CDH13: variants seen among roughly 807,000 people sequenced by gnomAD.
CDH13 encodes cadherin-13.
In CDH13, 24 loss-of-function variants were observed where a neutral mutation model predicts 63.8. That is an observed-to-expected ratio of 0.38 (90% confidence interval 0.27 to 0.53). The LOEUF is 0.53. CDH13 is among the 20% of genes least tolerant of loss of function. CDH13 has a pLI of 0.85. For synonymous variants in CDH13, 503 were observed against 355.3 expected (o/e 1.42, Z -4.67); for missense variants, 1,049 against 903.1 (o/e 1.16, Z -2.07).
intron 11 of CDH13, among the ~76,000 whole-genome samples, chr16:83,777,412 C>T (rs1046570408): frequency 6.6e-5 from 10 of 152,216 alleles, no homozygotes; most frequent in African/African-American, 2.4e-4. Context: ...TGACCTGCAG[C>T]TGCGCTGAGT....
chr16:83,391,415 C>T (rs557163266), intron 6 of CDH13, among the ~76,000 whole-genome samples: 24 of 151,980 alleles, frequency 1.6e-4, no homozygotes, highest in South Asian at 4.2e-4. Context: ...CATGTTGGCC[C>T]GGCTGGTCTC....
At position 83,021,934 on chromosome 16, in the gene CDH13, A is replaced by C. The variant is rs180882912; in HGVS notation, c.158-10076A>C. Among the ~76,000 whole-genome samples the C allele has an allele frequency of 9.8e-5, 15 of 152,296 alleles. No individual in the cohort carries two copies. The East Asian group carries it at 2.9e-3, about 29-fold the overall frequency. ...CTTGATTCACTCATGGATCTGACCC[A>C]ATGTGGGTGGAATTGAACGTATGTT... On this transcript the variant is annotated intron_variant, in intron 2 of 13. Transcript: ENST00000567109.
At chr16:83,683,018 C>A (rs890787119) in intron 10 of CDH13, among the ~76,000 whole-genome samples, 2 of 152,194 alleles carry the variant, frequency 1.3e-5, no homozygotes, top group African/African-American at 4.8e-5. Flanking sequence ...AAATGCACTT[C>A]TCAGGCACCA....
chr16:82,700,844 A>C (rs540226186), intron 1 of CDH13, among the ~76,000 whole-genome samples: 19 of 151,656 alleles, frequency 1.3e-4, no homozygotes, highest in African/African-American at 4.6e-4. Flanking sequence ...CGCTATCCCA[A>C]ATGATTACTA....
intron 2 of CDH13, among the ~76,000 whole-genome samples, chr16:83,000,621 G>C (rs1289928396): frequency 7.3e-6 from 1 of 137,058 alleles, no homozygotes; most frequent in African/African-American, 2.8e-5. Context: ...AGGGAGTCTC[G>C]TTCTGTTGCC....
At chr16:82,638,303 C>A (rs1908935964) in intron 1 of CDH13, among the ~76,000 whole-genome samples, 1 of 152,198 alleles carries the variant, frequency 6.6e-6, no homozygotes, top group Non-Finnish European at 1.5e-5. Context: ...TTAGGGACTG[C>A]TGAGCAGACC....
intron 1 of CDH13, among the ~76,000 whole-genome samples, chr16:82,817,776 G>C (rs1306622025): frequency 6.6e-6 from 1 of 152,152 alleles, no homozygotes; most frequent in Admixed American, 6.5e-5. Context: ...CTGCACTTCA[G>C]CCTGGGCCAC....
chr16:83,607,412 C>T (rs1489571738), intron 8 of CDH13, among the ~76,000 whole-genome samples: 1 of 151,506 alleles, frequency 6.6e-6, no homozygotes, highest in Non-Finnish European at 1.5e-5. Context: ...GAGCAAGACT[C>T]GGTCTCAAAA....
At chr16:83,519,905 T>C (rs1345253525) in intron 7 of CDH13, among the ~76,000 whole-genome samples, 1 of 152,038 alleles carries the variant, frequency 6.6e-6, no homozygotes, top group East Asian at 1.9e-4. Flanking sequence ...AGAAAGGAGA[T>C]GTGAAATCTT....
intron 3 of CDH13, among the ~76,000 whole-genome samples, chr16:83,062,925 C>G (rs1050535212): frequency 6.6e-6 from 1 of 151,654 alleles, no homozygotes; most frequent in South Asian, 2.1e-4. Flanking sequence ...GTTTTGTCTC[C>G]CTCATAGCTA....
intron 5 of CDH13, among the ~76,000 whole-genome samples, chr16:83,293,105 T>C (rs1034910900): frequency 2.0e-5 from 3 of 152,214 alleles, no homozygotes; most frequent in African/African-American, 7.2e-5. Context: ...TGTTAGATTC[T>C]ATTTTGAATT....
chr16:83,054,119 G>A (rs1160772710), intron 3 of CDH13, among the ~76,000 whole-genome samples: 1 of 152,152 alleles, frequency 6.6e-6, no homozygotes, highest in Non-Finnish European at 1.5e-5. Flanking sequence ...TATTTCCTAG[G>A]TGTGTAGTAA....
chr16:83,274,374 C>T (rs1371569149), intron 5 of CDH13, among the ~76,000 whole-genome samples: 2 of 152,166 alleles, frequency 1.3e-5, no homozygotes, highest in Admixed American at 6.5e-5. Flanking sequence ...TTATAATGTT[C>T]TTCCTGCCAC....
chr16:83,681,321 G>A (rs1181667735), intron 10 of CDH13, among the ~76,000 whole-genome samples: 1 of 152,180 alleles, frequency 6.6e-6, no homozygotes, highest in Non-Finnish European at 1.5e-5. Flanking sequence ...CTCTGCAGCT[G>A]GTCTAAGAGT....
intron 3 of CDH13, among the ~76,000 whole-genome samples, chr16:83,107,056 T>C (rs550133941): frequency 1.4e-4 from 21 of 152,098 alleles, no homozygotes; most frequent in African/African-American, 4.1e-4. Context: ...ATTTGAAAAA[T>C]GTGAAGAGCA....
intron 8 of CDH13, among the ~76,000 whole-genome samples, chr16:83,653,479 C>A: frequency 6.6e-6 from 1 of 151,238 alleles, no homozygotes. Flanking sequence ...AGAAATCAAA[C>A]CAGATTGAGG....
At chr16:83,656,057 A>C (rs1912841178) in intron 8 of CDH13, among the ~76,000 whole-genome samples, 2 of 152,148 alleles carry the variant, frequency 1.3e-5, no homozygotes, top group African/African-American at 2.4e-5. Flanking sequence ...CCGAGGGGAA[A>C]CTTTACACCC....
intron 1 of CDH13, among the ~76,000 whole-genome samples, chr16:82,720,841 C>T (rs530371226): frequency 6.6e-6 from 1 of 152,168 alleles, no homozygotes; most frequent in Non-Finnish European, 1.5e-5. Context: ...GCAAAAGGCC[C>T]TCGCCTGGCT....
chr16:83,661,219 G>T (rs1235345159), intron 8 of CDH13, among the ~76,000 whole-genome samples: 1 of 152,084 alleles, frequency 6.6e-6, no homozygotes, highest in Non-Finnish European at 1.5e-5. Flanking sequence ...GGACTCAGTG[G>T]CTCACACCTA....
Sources: allele counts gnomAD v4.1 joint callset (sites outside exome capture counted in the v4.1 genomes callset), GRCh38; gene constraint gnomAD v4.1.1; transcripts MANE v1.5; gene names NCBI Gene and HGNC (gene_info 2026-07-23, HGNC 2026-07-21).